RANBP2: variants seen among roughly 807,000 people sequenced by gnomAD.
RANBP2 encodes RAN binding protein 2.
RANBP2 carries 57 observed loss-of-function variants against 303.6 expected under a neutral mutation model. The observed-to-expected ratio is 0.19, with a 90% CI of 0.15 to 0.23. The LOEUF (loss-of-function observed/expected upper bound fraction) is 0.23, where lower values mean the gene tolerates loss of function less well. Among genes scored for constraint, RANBP2 ranks in the 10% least tolerant of loss-of-function variants. The pLI is 1.00. For synonymous variants in RANBP2, 1,167 were observed against 1,301.5 expected (o/e 0.90, Z 2.23); for missense variants, 3,138 against 3,780.8 (o/e 0.83, Z 4.46).
At chr2:109,716,355 A>G in the RANBP2 span, among the ~76,000 whole-genome samples, 1 of 151,298 alleles carries the variant, frequency 6.6e-6, no homozygotes, top group Admixed American at 6.6e-5. Context: ...GGGTTCAAGC[A>G]ATTCTCCTGC....
At chr2:109,478,356 C>T in the RANBP2 span, among the ~76,000 whole-genome samples, 6 of 152,198 alleles carry the variant, frequency 3.9e-5, no homozygotes, top group Non-Finnish European at 8.8e-5. Context: ...AATCCTTCTC[C>T]CTCAATTCCC....
the RANBP2 span, among the ~76,000 whole-genome samples, chr2:108,932,790 G>A: frequency 3.9e-5 from 6 of 152,120 alleles, no homozygotes; most frequent in South Asian, 2.1e-4. Context: ...CACATAAACC[G>A]TGGGGAAAAC....
chr2:108,822,546 C>T, the RANBP2 span, among the ~76,000 whole-genome samples: 4 of 152,188 alleles, frequency 2.6e-5, no homozygotes, highest in East Asian at 1.9e-4. Context: ...AGATAAACTA[C>T]GTGTTTGGCC....
chr2:109,570,840 G>A, the RANBP2 span, among the ~76,000 whole-genome samples: 4 of 152,232 alleles, frequency 2.6e-5, no homozygotes, highest in Admixed American at 2.0e-4. Flanking sequence ...GTATTATAAT[G>A]TGTAATCTAG....
At chr2:109,368,885 C>A in the RANBP2 span, among the ~76,000 whole-genome samples, 1 of 152,144 alleles carries the variant, frequency 6.6e-6, no homozygotes, top group Non-Finnish European at 1.5e-5. Flanking sequence ...TATGTGACAG[C>A]GAAGCCTTAG....
the RANBP2 span, among the ~76,000 whole-genome samples, chr2:109,694,784 T>A: frequency 6.9e-6 from 1 of 145,480 alleles, no homozygotes; most frequent in African/African-American, 2.5e-5. Flanking sequence ...TCAATCTGTA[T>A]GTATATATCC....
the RANBP2 span, chr2:109,794,616 G>GCGA: frequency 1.6e-6 from 1 of 617,672 alleles, no homozygotes; most frequent in African/African-American, 2.5e-5. Context: ...GGCGGGGGGG[G>GCGA]CGGCGGCGGC....
intron 18 of RANBP2, among the ~76,000 whole-genome samples, chr2:108,758,918 A>G (rs1466701017): frequency 2.0e-5 from 3 of 149,714 alleles, no homozygotes; most frequent in Non-Finnish European, 4.5e-5. Context: ...GATGAGAGGC[A>G]GGACGTTATA....
chr2:108,803,365 A>G, the RANBP2 span, among the ~76,000 whole-genome samples: 3 of 147,534 alleles, frequency 2.0e-5, no homozygotes, highest in African/African-American at 7.5e-5. Context: ...CTTCCTGATT[A>G]TCTTGCCAGG....
chr2:109,708,464 C>T, the RANBP2 span, among the ~76,000 whole-genome samples: 1 of 151,958 alleles, frequency 6.6e-6, no homozygotes, highest in Non-Finnish European at 1.5e-5. Flanking sequence ...TCAAGAGCAG[C>T]CCGGGCAACA....
the RANBP2 span, among the ~76,000 whole-genome samples, chr2:109,163,581 A>T: frequency 6.6e-6 from 1 of 150,698 alleles, no homozygotes. Context: ...TTGTATTTTT[A>T]GTAGAGACGG....
At chr2:108,830,586 C>T in the RANBP2 span, among the ~76,000 whole-genome samples, 1 of 139,820 alleles carries the variant, frequency 7.2e-6, no homozygotes, top group African/African-American at 3.3e-5. Flanking sequence ...GCGGGCAGAT[C>T]ACCTGATGTC....
At chr2:109,412,576 T>C in the RANBP2 span, among the ~76,000 whole-genome samples, 1 of 152,196 alleles carries the variant, frequency 6.6e-6, no homozygotes, top group African/African-American at 2.4e-5. Flanking sequence ...CAGCCCCTGC[T>C]GGTGCTGCAG....
chr2:109,240,911 C>T, the RANBP2 span, among the ~76,000 whole-genome samples: 3 of 151,138 alleles, frequency 2.0e-5, no homozygotes, highest in Admixed American at 6.6e-5. Context: ...TCTTGCTCCC[C>T]GCTTCTTTTC....
chr2:108,939,190 G>GTTA, the RANBP2 span, among the ~76,000 whole-genome samples: 1 of 151,674 alleles, frequency 6.6e-6, no homozygotes. Flanking sequence ...TGTTGTTGTT[G>GTTA]TTTTTGAGAT....
chr2:109,493,101 T>C, the RANBP2 span, among the ~76,000 whole-genome samples: 176 of 82,206 alleles, frequency 2.1e-3, 1 homozygote, highest in African/African-American at 7.3e-3. Flanking sequence ...AACATACACA[T>C]ACACCACAGA....
chr2:109,581,753 C>G, the RANBP2 span, among the ~76,000 whole-genome samples: 33 of 152,112 alleles, frequency 2.2e-4, no homozygotes, highest in Non-Finnish European at 4.4e-5. Flanking sequence ...AAGCATTCCC[C>G]TTGAGAACTG....
At chr2:109,479,315 G>A in the RANBP2 span, among the ~76,000 whole-genome samples, 1 of 152,154 alleles carries the variant, frequency 6.6e-6, no homozygotes, top group African/African-American at 2.4e-5. Flanking sequence ...AAGGCTTTTT[G>A]TAGAGGGGGG....
the RANBP2 span, among the ~76,000 whole-genome samples, chr2:109,335,738 C>T: frequency 6.6e-6 from 1 of 152,200 alleles, no homozygotes; most frequent in Non-Finnish European, 1.5e-5. Flanking sequence ...AACCGCACCC[C>T]ACAAGTAACG....
Sources: allele counts gnomAD v4.1 joint callset (sites outside exome capture counted in the v4.1 genomes callset), GRCh38; gene constraint gnomAD v4.1.1; transcripts MANE v1.5; gene names NCBI Gene and HGNC (gene_info 2026-07-23, HGNC 2026-07-21).